PBX3: variants seen among roughly 807,000 people sequenced by gnomAD.
PBX3 encodes pre-B-cell leukemia transcription factor 3.
In PBX3, 14 loss-of-function variants were observed where a neutral mutation model predicts 48.5. The ratio of observed to expected loss-of-function variants is 0.29; its 90% CI spans 0.19 to 0.45. The LOEUF (loss-of-function observed/expected upper bound fraction) is 0.45, where lower values mean the gene tolerates loss of function less well. Ranked by LOEUF, PBX3 falls within the 20% of genes least tolerant of loss-of-function variation. The pLI is 1.00. For missense variants in PBX3, 386 were observed against 546.7 expected (o/e 0.71, Z 2.93); for synonymous variants, 210 against 200.3 (o/e 1.05, Z -0.41).
chr9:125,840,700 A>G (rs548056357), intron 2 of PBX3, among the ~76,000 whole-genome samples: 3 of 152,122 alleles, frequency 2.0e-5, no homozygotes, highest in African/African-American at 4.8e-5. Context: ...AAAATATGCT[A>G]TATGTCTTTT....
At chr9:125,865,672 A>T (rs2132302665) in intron 2 of PBX3, among the ~76,000 whole-genome samples, 1 of 152,316 alleles carries the variant, frequency 6.6e-6, no homozygotes, top group Middle Eastern at 3.4e-3. Flanking sequence ...CCTTTTCAAA[A>T]GACCCCAAAG....
intron 2 of PBX3, among the ~76,000 whole-genome samples, chr9:125,853,807 T>A (rs910370073): frequency 3.9e-5 from 6 of 152,178 alleles, no homozygotes; most frequent in Non-Finnish European, 8.8e-5. Context: ...GTTTCTTGAA[T>A]TAACATGAAC....
chr9:125,881,998 C>T (rs113408656), intron 2 of PBX3, among the ~76,000 whole-genome samples: 4 of 151,364 alleles, frequency 2.6e-5, no homozygotes, highest in African/African-American at 7.3e-5. Flanking sequence ...GCCAGGAGTT[C>T]GAGACCAGGC....
intron 5 of PBX3, among the ~76,000 whole-genome samples, chr9:125,959,637 G>A (rs1297008959): frequency 2.0e-5 from 3 of 152,186 alleles, no homozygotes; most frequent in Admixed American, 6.5e-5. Flanking sequence ...TACTCCTTAC[G>A]TCTCTTCAGG....
intron 2 of PBX3, among the ~76,000 whole-genome samples, chr9:125,827,167 A>G (rs1484473218): frequency 1.3e-5 from 2 of 152,218 alleles, no homozygotes; most frequent in Non-Finnish European, 2.9e-5. Flanking sequence ...ATTATGCAGT[A>G]TATCAATGAA....
At chr9:125,793,991 A>G (rs574698038) in intron 2 of PBX3, among the ~76,000 whole-genome samples, 15 of 152,260 alleles carry the variant, frequency 9.9e-5, no homozygotes, top group African/African-American at 3.6e-4. Context: ...ACGCAACTTA[A>G]ATTTGTGTGA....
intron 2 of PBX3, among the ~76,000 whole-genome samples, chr9:125,810,534 G>T (rs1048564331): frequency 6.6e-6 from 1 of 152,044 alleles, no homozygotes; most frequent in African/African-American, 2.4e-5. Context: ...ATGTCTTCTT[G>T]TGTTGAGTGG....
At chr9:125,870,681 T>G (rs1027900290) in intron 2 of PBX3, among the ~76,000 whole-genome samples, 2 of 152,084 alleles carry the variant, frequency 1.3e-5, no homozygotes, top group Non-Finnish European at 2.9e-5. Context: ...AATATCTAAT[T>G]TGTAGAGATT....
At chr9:125,747,895 T>A (rs1264247122) in intron 1 of PBX3, among the ~76,000 whole-genome samples, 2 of 151,394 alleles carry the variant, frequency 1.3e-5, no homozygotes, top group Non-Finnish European at 3.0e-5. Flanking sequence ...TTCCGTGGCG[T>A]CCTTTCCCCC....
At chr9:125,760,236 GA>G (rs1023787235) in intron 2 of PBX3, among the ~76,000 whole-genome samples, 17 of 152,084 alleles carry the variant, frequency 1.1e-4, no homozygotes, top group Admixed American at 2.6e-4. Context: ...TCTTAAAATA[GA>G]AAAAAAGTCA....
At chr9:125,803,386 C>T (rs991325394) in intron 2 of PBX3, among the ~76,000 whole-genome samples, 11 of 152,018 alleles carry the variant, frequency 7.2e-5, no homozygotes. Context: ...CTGTGCCCGG[C>T]CCCCACTGAT....
chr9:125,823,307 ATTG>A, intron 2 of PBX3, among the ~76,000 whole-genome samples: 1 of 151,734 alleles, frequency 6.6e-6, no homozygotes, highest in African/African-American at 2.4e-5. Context: ...CTGTGAGGAA[ATTG>A]TTGTTGATGT....
In PBX3 at chr9:125,779,884, G is replaced by A. The variant is rs1189434713; in HGVS notation, c.274+31261G>A. Among the ~76,000 whole-genome samples, 7 of 121,940 alleles carry A rather than the reference G, an allele frequency of 5.7e-5. No individual in the cohort carries two copies. In the East Asian group the frequency reaches 1.1e-3, roughly 19 times the overall value. The allele number at this position is 121,940 out of a possible 152,430, so 80.0% of individuals were successfully genotyped here. A position where few individuals can be genotyped will look rare whatever the true frequency, so the allele number is the denominator to read the frequency against. ...CCCGGACGGGGCGGCTGGCCGGGCGGGGGGCTGACCCCCCCACCTCCCTCC... is the reference window on the plus strand; with the variant it reads ...CCCGGACGGGGCGGCTGGCCGGGCGAGGGGCTGACCCCCCCACCTCCCTCC... On this transcript the variant is annotated intron_variant, in intron 2 of 8. Coordinates refer to ENST00000373489, the MANE Select transcript of PBX3 (RefSeq NM_006195.6).
chr9:125,915,496 A>G (rs1661867566), intron 2 of PBX3, among the ~76,000 whole-genome samples, 190 bp from the exon 3 acceptor site: 2 of 152,132 alleles, frequency 1.3e-5, no homozygotes, highest in Non-Finnish European at 2.9e-5. Flanking sequence ...GGTGCATGTA[A>G]ACACTATCTT....
intron 2 of PBX3, among the ~76,000 whole-genome samples, chr9:125,812,031 C>G (rs1318030540): frequency 6.6e-6 from 1 of 152,196 alleles, no homozygotes; most frequent in Non-Finnish European, 1.5e-5. Flanking sequence ...TTTGTCCTTT[C>G]TGCCTTGTGA....
chr9:125,880,982 G>A (rs187048679), intron 2 of PBX3, among the ~76,000 whole-genome samples: 2 of 152,320 alleles, frequency 1.3e-5, no homozygotes, highest in Admixed American at 6.5e-5. Context: ...TACTGCTATA[G>A]AGCAATGTTC....
At chr9:125,757,784 C>CAG (rs1462241357) in intron 2 of PBX3, among the ~76,000 whole-genome samples, 2 of 152,108 alleles carry the variant, frequency 1.3e-5, no homozygotes, top group Admixed American at 1.3e-4. Flanking sequence ...GAGCTTTATG[C>CAG]AGAGGTTTTC....
chr9:125,769,788 A>G (rs1191847478), intron 2 of PBX3, among the ~76,000 whole-genome samples: 1 of 152,212 alleles, frequency 6.6e-6, no homozygotes, highest in Non-Finnish European at 1.5e-5. Flanking sequence ...GTTCCTGGGT[A>G]AGTCCTAGAG....
In PBX3 at chr9:125,928,423, T is replaced by TG. The variant is rs1491239357; in HGVS notation, c.517-1232_517-1231insG. Among the ~76,000 whole-genome samples the TG allele has an allele frequency of 9.6e-3, 1,271 of 133,010 alleles. 21 individuals are homozygous for TG. The highest frequency in any genetic ancestry group is 0.047 in the African/African-American group (1,207 of 25,578). The allele number at this position is 133,010 out of a possible 152,430, so 87.3% of individuals were successfully genotyped here. A position where few individuals can be genotyped will look rare whatever the true frequency, so the allele number is the denominator to read the frequency against. ...GTGTGTGTGTGTGTGTGTGTGTGTGTTTTTGTGTATGTACTGAAAGAGACA... is the reference window on the plus strand; with the variant it reads ...GTGTGTGTGTGTGTGTGTGTGTGTGTGTTTTGTGTATGTACTGAAAGAGACA... On this transcript the variant is annotated intron_variant, in intron 3 of 8. Coordinates refer to ENST00000373489, the MANE Select transcript of PBX3 (RefSeq NM_006195.6).
Sources: allele counts gnomAD v4.1 joint callset (sites outside exome capture counted in the v4.1 genomes callset), GRCh38; gene constraint gnomAD v4.1.1; transcripts MANE v1.5; gene names NCBI Gene and HGNC (gene_info 2026-07-23, HGNC 2026-07-21).